U2AF2: variants seen among roughly 807,000 people sequenced by gnomAD.
U2AF2 encodes the protein splicing factor U2AF 65 kDa subunit.
In U2AF2, 6 loss-of-function variants were observed where a neutral mutation model predicts 52.6. That is an observed-to-expected ratio of 0.11 (90% confidence interval 0.06 to 0.23). U2AF2 has a LOEUF of 0.23. Ranked by LOEUF, U2AF2 falls within the 10% of genes least tolerant of loss-of-function variation. The probability of loss-of-function intolerance (pLI) is 1.00; values close to 1 mark genes in which losing one functional copy is unlikely to be tolerated. For missense variants in U2AF2, 222 were observed against 677.1 expected (o/e 0.33, Z 7.46); for synonymous variants, 284 against 258.2 (o/e 1.10, Z -0.96).
intron 1 of U2AF2, 60 bp from the exon 2 acceptor site, chr19:55,659,149 GT>G: frequency 6.9e-7 from 1 of 1,450,014 alleles, no homozygotes; most frequent in Non-Finnish European, 9.2e-7. Context: ...AGCGCGCAGG[GT>G]GGGCTGGGCC....
chr19:55,665,807 CCTG>C (rs961657481), intron 7 of U2AF2, among the ~76,000 whole-genome samples: 5 of 152,184 alleles, frequency 3.3e-5, no homozygotes, highest in Non-Finnish European at 5.9e-5. Flanking sequence ...TGCCACCACA[CCTG>C]CTAATTTTTT....
At chr19:55,671,696 GTCAGGGCTGC>G (rs1276955183) in intron 11 of U2AF2, 4 of 152,356 alleles carry the variant, frequency 2.6e-5, no homozygotes, top group African/African-American at 7.2e-5. Context: ...GAGCTGGTAT[GTCAGGGCTGC>G]TCAGGGCTGC....
intron 7 of U2AF2, among the ~76,000 whole-genome samples, chr19:55,665,839 G>A (rs971793436): frequency 6.6e-6 from 1 of 152,182 alleles, no homozygotes; most frequent in African/African-American, 2.4e-5. Context: ...AGTAGAGATG[G>A]GGTTTCACCA....
intron 6 of U2AF2, among the ~76,000 whole-genome samples, chr19:55,663,210 G>T (rs1204486047): frequency 6.6e-6 from 1 of 152,132 alleles, no homozygotes; most frequent in Non-Finnish European, 1.5e-5. Flanking sequence ...CTCTGTCTTT[G>T]CCTCACTGCA....
chr19:55,658,866 T>TA (rs1568548426), intron 1 of U2AF2: 1 of 242,702 alleles, frequency 4.1e-6, no homozygotes, highest in Non-Finnish European at 7.9e-6. Flanking sequence ...CCCCAGCCTC[T>TA]AGCCCTGCCC....
At chr19:55,662,184 C>T (rs1394360845) in intron 5 of U2AF2, 7 of 254,364 alleles carry the variant, frequency 2.8e-5, no homozygotes, top group Non-Finnish European at 4.5e-5. Flanking sequence ...TGTCATCATG[C>T]CCTCTGCCTT....
At chr19:55,656,469 A>C (rs1213599013) in intron 1 of U2AF2, among the ~76,000 whole-genome samples, 1 of 152,186 alleles carries the variant, frequency 6.6e-6, no homozygotes, top group East Asian at 1.9e-4. Context: ...TTTGTCGTTT[A>C]GTAACTGCTT....
chr19:55,668,385 C>T lies in U2AF2; in HGVS notation c.743-122C>T. On this transcript the variant is annotated intron_variant, in intron 7 of 11. Transcript: ENST00000308924. The surrounding 1 kb of genome is among the most constrained non-coding windows in gnomAD (Gnocchi z 5.5). ...GGGTGGGGTGGGCACGTGGCGACCC[C>T]TCCCTCGTCAGATCAGGCAGGAAGT... The T allele has an allele frequency of 9.9e-7, 1 of 1,012,930 alleles. No homozygotes were observed. The highest frequency in any genetic ancestry group is 1.4e-6 in the Non-Finnish European group (1 of 708,222). The allele number at this position is 1,012,930 out of a possible 1,614,324, so 62.7% of individuals were successfully genotyped here.
Position 55,673,811 on chromosome 19 carries a change from G to GTGGTCC in U2AF2, c.1294-123_1294-122insTGGTCC. On this transcript the variant is annotated intron_variant, in intron 11 of 11. Transcript: ENST00000308924. ...ACCTGCTTACTAAGGGTCCCTTTCT[G>GTGGTCC]ACACCTGTGGCGAAGCCCCCTCCTC... The GTGGTCC allele has an allele frequency of 2.2e-6, 3 of 1,386,054 alleles. No homozygotes were observed. The Admixed American group carries it at 7.5e-5, about 35-fold the overall frequency. 85.9% of individuals were successfully genotyped at this position (1,386,054 alleles called of 1,614,324 possible). A position where few individuals can be genotyped will look rare whatever the true frequency, so the allele number is the denominator to read the frequency against.
At chr19:55,660,415 G>A in intron 3 of U2AF2, 101 bp from the exon 4 acceptor site, 2 of 1,115,788 alleles carry the variant, frequency 1.8e-6, no homozygotes, top group South Asian at 2.9e-5. Context: ...AGCTTACATG[G>A]TTGCGGGGAG....
In U2AF2 at chr19:55,660,526, C is replaced by T. The variant is rs371646150; in HGVS notation, c.241C>T (p.Arg81Cys). 7 of 1,604,456 alleles carry T rather than the reference C, an allele frequency of 4.4e-6. No individual in the cohort carries two copies. Among genetic ancestry groups the T allele is most frequent in the Middle Eastern group, 1.7e-4 (1 of 6,002 alleles). Residue 81 changes from arginine to cysteine, a missense_variant, in exon 4 of 12, where the codon CGC becomes TGC. By Grantham distance (180) the Arg-to-Cys change is radical (BLOSUM62 -3). Coordinates refer to ENST00000308924, the MANE Select transcript of U2AF2 (RefSeq NM_007279.3). Reference protein sequence around the residue: ...EEHGGLIRSPRHEKKKKVRKY... With the variant: ...EEHGGLIRSPCHEKKKKVRKY... ...TCCCACCTCCCCCAGTCGTTCCCCC[C>T]GCCACGAGAAGAAGAAGAAGGTCCG...
chr19:55,657,753 C>T (rs1276553594), intron 1 of U2AF2, among the ~76,000 whole-genome samples: 1 of 152,174 alleles, frequency 6.6e-6, no homozygotes, highest in Non-Finnish European at 1.5e-5. Context: ...CTGCCTGATC[C>T]ACATTCGAGA....
In U2AF2 at chr19:55,672,966, G is replaced by A. The variant is rs1340644259; in HGVS notation, c.1294-968G>A. 1.6e-4 allele frequency among the ~76,000 whole-genome samples: 22 copies of A among 140,026 alleles called. No homozygotes were observed. In the East Asian group the frequency reaches 4.5e-3, roughly 29 times the overall value. The allele number at this position is 140,026 out of a possible 152,430, so 91.9% of individuals were successfully genotyped here. ...CCAATAATTTTTTTTTTTTTGAGAC[G>A]GAGCCTCACTCTGTCACCCAGGCTG... On this transcript the variant is annotated intron_variant, in intron 11 of 11. Coordinates refer to ENST00000308924, the MANE Select transcript of U2AF2 (RefSeq NM_007279.3).
chr19:55,669,563 G>T lies in U2AF2; in HGVS notation c.1164G>T (p.Glu388Asp), dbSNP rs1984748753. 1 of 1,613,840 alleles carries T rather than the reference G, an allele frequency of 6.2e-7. No homozygotes were observed. The highest frequency in any genetic ancestry group is 8.5e-7 in the Non-Finnish European group (1 of 1,179,910). ...TCATGAACATGGTGCTGCCTGAGGA[G>T]CTGCTGGACGACGAGGAGTATGAGG... Reference protein sequence around the residue: ...LCLMNMVLPEELLDDEEYEEI... With the variant: ...LCLMNMVLPEDLLDDEEYEEI... The change falls in exon 11 of 12, where the codon GAG becomes GAT. Residue 388 changes from glutamate (E) to aspartate (D), a missense_variant. Physicochemically the swap from Glu to Asp is conservative, Grantham distance 45. Coordinates refer to ENST00000308924, the MANE Select transcript of U2AF2 (RefSeq NM_007279.3).
intron 1 of U2AF2, 84 bp downstream of exon 1, chr19:55,655,237 C>T (rs989476051): frequency 1.6e-5 from 23 of 1,456,032 alleles, no homozygotes; most frequent in Non-Finnish European, 2.1e-5. Context: ...TCCCTCGCTT[C>T]CCCCCACTTC....
intron 4 of U2AF2, 116 bp downstream of exon 4, chr19:55,660,735 C>T: frequency 4.7e-6 from 5 of 1,055,190 alleles, no homozygotes; most frequent in Non-Finnish European, 5.5e-6. Context: ...TAGAGGGTTG[C>T]ACACCCCTGG....
rs745641155 is a variant in U2AF2 at position 55,660,210 on chromosome 19, C to T, written c.219C>T (p.His73=). 1.3e-5 allele frequency: 21 copies of T among 1,611,262 alleles called. No homozygotes were observed. Among genetic ancestry groups the T allele is most frequent in the Admixed American group, 1.7e-5 (1 of 59,680 alleles). Residue 73 remains histidine, a synonymous_variant, in exon 3 of 12, where the codon CAC becomes CAT. Coordinates refer to ENST00000308924, the MANE Select transcript of U2AF2 (RefSeq NM_007279.3). ...KPLTRGAKEE[H]GGLIRSPRHE... ...TGACCAGAGGCGCTAAAGAGGAGCA[C>T]GGTGGACTGATGTGAGCTTCTCTTC...
At chr19:55,667,701 G>T (rs1043441186) in intron 7 of U2AF2, among the ~76,000 whole-genome samples, 1 of 152,160 alleles carries the variant, frequency 6.6e-6, no homozygotes, top group Non-Finnish European at 1.5e-5. Context: ...GCTGCTCATC[G>T]TGTCGTGCCA....
intron 2 of U2AF2, among the ~76,000 whole-genome samples, 176 bp from the exon 3 acceptor site, chr19:55,660,001 C>G (rs1279420722): frequency 1.3e-5 from 2 of 151,964 alleles, no homozygotes; most frequent in Admixed American, 6.5e-5. Context: ...CTTCCTCTTT[C>G]CTGGGGGTGG....
Sources: gnomAD v4.1 joint callset for allele counts (sites outside exome capture counted in the v4.1 genomes callset) on GRCh38, gnomAD v4.1.1 for gene constraint, Gnocchi (gnomAD v3.1) non-coding constraint, MANE v1.5 for transcripts, NCBI Gene and HGNC (gene_info 2026-07-23, HGNC 2026-07-21) for gene names.